SLC16A1: variants seen among roughly 807,000 people sequenced by gnomAD.
SLC16A1 encodes monocarboxylate transporter 1.
In SLC16A1, 11 loss-of-function variants were observed where a neutral mutation model predicts 32.2. The ratio of observed to expected loss-of-function variants is 0.34; its 90% CI spans 0.21 to 0.56. The LOEUF (loss-of-function observed/expected upper bound fraction) is 0.56. Ranked by LOEUF, SLC16A1 falls within the 20% of genes least tolerant of loss-of-function variation. The pLI, the probability that SLC16A1 is intolerant of heterozygous loss-of-function variation, is 0.87. For missense variants in SLC16A1, 435 were observed against 615.0 expected (o/e 0.71, Z 3.10); for synonymous variants, 231 against 226.8 (o/e 1.02, Z -0.17).
intron 2 of SLC16A1, chr1:112,923,816 C>G: frequency 6.7e-7 from 1 of 1,497,386 alleles, no homozygotes; most frequent in South Asian, 1.1e-5. Flanking sequence ...TCTGTAACCT[C>G]TGCAAGAGCA....
chr1:112,935,595 T>C, intron 1 of SLC16A1, among the ~76,000 whole-genome samples: 1 of 152,074 alleles, frequency 6.6e-6, no homozygotes, highest in East Asian at 1.9e-4. Flanking sequence ...TAATGGGACT[T>C]TGGAAAAAGA....
At chr1:112,954,364 C>T (rs1030211586) in intron 1 of SLC16A1, among the ~76,000 whole-genome samples, 1 of 152,166 alleles carries the variant, frequency 6.6e-6, no homozygotes, top group African/African-American at 2.4e-5. Context: ...ACATAGTTCC[C>T]ACCAAACCAT....
At chr1:112,921,336 T>C (rs947404886) in intron 3 of SLC16A1, among the ~76,000 whole-genome samples, 9 of 152,140 alleles carry the variant, frequency 5.9e-5, no homozygotes, top group Admixed American at 1.3e-4. Flanking sequence ...AGCATACATA[T>C]ATTAAAACAA....
chr1:112,933,320 C>T (rs1253192210), intron 1 of SLC16A1, among the ~76,000 whole-genome samples: 1 of 151,920 alleles, frequency 6.6e-6, no homozygotes, highest in Non-Finnish European at 1.5e-5. Context: ...GGTGTGGTGG[C>T]GTGTGCCTGT....
At chr1:112,915,767 T>A (rs1648481770) in intron 4 of SLC16A1, among the ~76,000 whole-genome samples, 1 of 54,116 alleles carries the variant, frequency 1.8e-5, no homozygotes, top group Non-Finnish European at 3.1e-5. Flanking sequence ...TCACTGGGTA[T>A]GAGATGGAAG....
At chr1:112,928,977 T>C (rs1285392115) in intron 2 of SLC16A1, 115 bp downstream of exon 2, 1 of 777,290 alleles carries the variant, frequency 1.3e-6, no homozygotes, top group African/African-American at 1.8e-5. Context: ...CTTTAAGAAA[T>C]AACATTTCAA....
intron 3 of SLC16A1, among the ~76,000 whole-genome samples, chr1:112,920,430 A>G (rs923656510): frequency 2.0e-5 from 3 of 152,056 alleles, no homozygotes; most frequent in Non-Finnish European, 4.4e-5. Flanking sequence ...ACATAGTGAA[A>G]CCCCGTCTCT....
intron 1 of SLC16A1, among the ~76,000 whole-genome samples, chr1:112,944,509 T>C (rs1032285139): frequency 2.6e-5 from 4 of 152,186 alleles, no homozygotes; most frequent in African/African-American, 7.2e-5. Context: ...ATGTGTGTTA[T>C]AGAAAAATTA....
chr1:112,940,863 T>A (rs748252409), intron 1 of SLC16A1, among the ~76,000 whole-genome samples: 1 of 152,176 alleles, frequency 6.6e-6, no homozygotes, highest in Non-Finnish European at 1.5e-5. Flanking sequence ...TCACTTTCCT[T>A]TACGAGTTCT....
At chr1:112,918,601 G>A (rs1648602694) in intron 3 of SLC16A1, among the ~76,000 whole-genome samples, 1 of 152,122 alleles carries the variant, frequency 6.6e-6, no homozygotes, top group Non-Finnish European at 1.5e-5. Context: ...AGGCATTCAA[G>A]ACCACCTTGG....
intron 1 of SLC16A1, among the ~76,000 whole-genome samples, chr1:112,948,055 C>G (rs1033194760): frequency 1.8e-4 from 28 of 152,242 alleles, no homozygotes; most frequent in African/African-American, 5.8e-4. Context: ...CCCATCTCTA[C>G]TAAAAATACA....
chr1:112,947,917 T>C (rs1213683632), intron 1 of SLC16A1, among the ~76,000 whole-genome samples: 1 of 152,166 alleles, frequency 6.6e-6, no homozygotes, highest in Non-Finnish European at 1.5e-5. Context: ...ATGGAAATCT[T>C]TAGTAAAAGG....
At position 112,917,201 on chromosome 1, in the gene SLC16A1, A is replaced by T; in HGVS notation, c.1205T>A (p.Val402Asp). Residue 402 changes from valine to aspartate, a missense_variant, in exon 4 of 5, where the codon GTC becomes GAC. This residue lies in a region of SLC16A1 where 324 missense variants were observed against 500.3 expected (regional missense o/e 0.65). Transcript: ENST00000369626. The surrounding 1 kb of genome is among the most constrained non-coding windows in gnomAD (Gnocchi z 4.1). ...GLVTIVECCP[V>D]LLGPPLLGRL... is the part of the protein sequence containing the mutation. ...ACCTAAAAGTGGTGGCCCCAGGAGG[A>T]CAGGACAGCATTCCACAATGGTCAC... 1 of 1,614,184 alleles carries T rather than the reference A, an allele frequency of 6.2e-7. No homozygotes were observed. The highest frequency in any genetic ancestry group is 8.5e-7 in the Non-Finnish European group (1 of 1,180,042).
At position 112,917,995 on chromosome 1, in the gene SLC16A1, C is replaced by T. The variant is rs1648576917; in HGVS notation, c.411G>A (p.Lys137=). ...NLNPALTMIG[K]YFYKRRPLAN... ...CCAATGGTCGCCTCTTGTAGAAATA[C>T]TTGCCAATCATGGTCAGAGCTGGAT... Residue 137 remains lysine (K), a synonymous_variant, in exon 4 of 5, where the codon AAG becomes AAA. Coordinates refer to ENST00000369626, the MANE Select transcript of SLC16A1 (RefSeq NM_003051.4). This position sits in a 1 kb window ranked among gnomAD's most constrained non-coding sequence, Gnocchi z 4.1. 6.3e-7 allele frequency: 1 copy of T among 1,593,360 alleles called. No individual in the cohort carries two copies. Among genetic ancestry groups the T allele is most frequent in the South Asian group, 1.2e-5 (1 of 85,964 alleles).
chr1:112,950,317 C>T (rs1649847392), intron 1 of SLC16A1, among the ~76,000 whole-genome samples: 1 of 152,120 alleles, frequency 6.6e-6, no homozygotes, highest in Non-Finnish European at 1.5e-5. Context: ...ATTACAAAGG[C>T]CCTGTTACCT....
chr1:112,927,334 G>T (rs1312277277), intron 2 of SLC16A1, among the ~76,000 whole-genome samples: 1 of 150,874 alleles, frequency 6.6e-6, no homozygotes, highest in East Asian at 1.9e-4. Flanking sequence ...AAAGTAGGCA[G>T]GTAAGATCTC....
intron 1 of SLC16A1, among the ~76,000 whole-genome samples, chr1:112,938,558 T>C (rs1422757235): frequency 6.6e-6 from 1 of 152,210 alleles, no homozygotes; most frequent in Non-Finnish European, 1.5e-5. Context: ...TCAAACTGCA[T>C]ATAAAGAATC....
intron 2 of SLC16A1, among the ~76,000 whole-genome samples, chr1:112,923,028 A>G (rs1313628625): frequency 1.3e-5 from 2 of 151,886 alleles, no homozygotes; most frequent in Non-Finnish European, 2.9e-5. Flanking sequence ...CTCTTGCCTC[A>G]GCCTCCTGAA....
Position 112,913,837 on chromosome 1 carries a change from T to C in SLC16A1, c.*54A>G. 2 of 1,605,944 alleles carry C rather than the reference T, an allele frequency of 1.2e-6. No individual in the cohort carries two copies. Among genetic ancestry groups the C allele is most frequent in the South Asian group, 2.2e-5 (2 of 90,866 alleles). ...TGGTAGATTACAGGCCAGTAGAATATTTTCAGATATCCTGGGTCATGAACT... is the reference window on the plus strand; with the variant it reads ...TGGTAGATTACAGGCCAGTAGAATACTTTCAGATATCCTGGGTCATGAACT... On this transcript the variant is annotated 3_prime_UTR_variant, in exon 5 of 5. Transcript: ENST00000369626.
Sources: gnomAD v4.1 joint callset for allele counts (sites outside exome capture counted in the v4.1 genomes callset) on GRCh38, gnomAD v4.1.1 for gene constraint, gnomAD v4.1.1 regional missense constraint, Gnocchi (gnomAD v3.1) non-coding constraint, MANE v1.5 for transcripts, NCBI Gene and HGNC (gene_info 2026-07-23, HGNC 2026-07-21) for gene names.